WDFY4: variants seen among roughly 807,000 people sequenced by gnomAD.
The protein encoded by WDFY4 is WDFY family member 4, also known as WD repeat- and FYVE domain-containing protein 4.
Under a neutral mutation model 351.9 loss-of-function variants are expected in WDFY4, and 169 were observed. The ratio of observed to expected loss-of-function variants is 0.48; its 90% CI spans 0.42 to 0.55. WDFY4 has a LOEUF of 0.55. WDFY4 is among the 20% of genes least tolerant of loss of function. The probability of loss-of-function intolerance (pLI) is 0.00; values close to 1 mark genes in which losing one functional copy is unlikely to be tolerated. For missense variants in WDFY4, 3,803 were observed against 3,935.6 expected (o/e 0.97, Z 0.90); for synonymous variants, 1,622 against 1,574.6 (o/e 1.03, Z -0.71).
intron 47 of WDFY4, chr10:48,913,997 G>T: frequency 6.2e-7 from 1 of 1,614,176 alleles, no homozygotes; most frequent in Middle Eastern, 1.6e-4. Context: ...GGTCCAGCTC[G>T]TCCATGTCAC....
chr10:48,835,158 C>T (rs1478828093), intron 39 of WDFY4, among the ~76,000 whole-genome samples: 1 of 152,222 alleles, frequency 6.6e-6, no homozygotes, highest in Non-Finnish European at 1.5e-5. Flanking sequence ...GACATATTCT[C>T]TTCTCTCAAG....
At chr10:48,980,128 A>C (rs1437030956) in intron 60 of WDFY4, 1 of 152,186 alleles carries the variant, frequency 6.6e-6, no homozygotes, top group African/African-American at 2.4e-5. Context: ...ACTGACTGCC[A>C]AGATTGTGAT....
intron 39 of WDFY4, among the ~76,000 whole-genome samples, chr10:48,843,074 C>A (rs115084092): frequency 2.6e-5 from 4 of 152,210 alleles, no homozygotes; most frequent in African/African-American, 9.6e-5. Context: ...AGGTAACAAC[C>A]ACTGCCCGTT....
Position 48,810,648 on chromosome 10 carries a change from A to G in WDFY4, c.4957A>G (p.Ser1653Gly). 1 of 1,551,706 alleles carries G rather than the reference A, an allele frequency of 6.4e-7. No homozygotes were observed. Residue 1653 changes from serine to glycine, a missense_variant, in exon 29 of 62, where the codon AGC becomes GGC. Transcript: ENST00000325239. ...GAAGCTGCTGCTGTACTTTCTGGCA[A>G]GCCCCTCCCTCCGCACACGGTTTAG... ...ALKLLLYFLA[S>G]PSLRTRFRDG... is the part of the protein sequence containing the mutation.
intron 1 of WDFY4, among the ~76,000 whole-genome samples, chr10:48,687,611 C>CTTTT (rs57413418): frequency 5.3e-4 from 54 of 101,286 alleles, no homozygotes; most frequent in Non-Finnish European, 7.7e-4. Context: ...ATAGGCCATT[C>CTTTT]TTTTTTTTTT....
intron 47 of WDFY4, among the ~76,000 whole-genome samples, chr10:48,932,237 G>A (rs1481434113): frequency 6.6e-6 from 1 of 152,184 alleles, no homozygotes; most frequent in Non-Finnish European, 1.5e-5. Context: ...GGTGCTGGTG[G>A]GGAATGCTGG....
chr10:48,841,747 G>C (rs2068614671), intron 39 of WDFY4, among the ~76,000 whole-genome samples: 1 of 152,138 alleles, frequency 6.6e-6, no homozygotes, highest in Non-Finnish European at 1.5e-5. Context: ...ATTATAACTG[G>C]AATGGGCACA....
At chr10:48,927,645 C>T (rs769908266) in intron 47 of WDFY4, among the ~76,000 whole-genome samples, 9 of 152,196 alleles carry the variant, frequency 5.9e-5, no homozygotes, top group Non-Finnish European at 8.8e-5. Flanking sequence ...CTCTATCCTT[C>T]GCACCAGCGT....
At chr10:48,782,879 T>C (rs2066274398) in intron 19 of WDFY4, among the ~76,000 whole-genome samples, 1 of 152,188 alleles carries the variant, frequency 6.6e-6, no homozygotes, top group African/African-American at 2.4e-5. Flanking sequence ...AATGGGGCAG[T>C]GTGCATACAC....
chr10:48,833,400 G>A (rs951442197), intron 39 of WDFY4, among the ~76,000 whole-genome samples: 3 of 151,986 alleles, frequency 2.0e-5, no homozygotes, highest in Admixed American at 6.5e-5. Context: ...ATGTGAACTG[G>A]GCTTCCTTAC....
chr10:48,787,868 T>TTC lies in WDFY4; in HGVS notation c.3809-661_3809-660insCT, dbSNP rs1178608536. 4.6e-3 allele frequency among the ~76,000 whole-genome samples: 476 copies of TTC among 103,944 alleles called. 17 individuals carry two copies. The highest frequency in any genetic ancestry group is 0.024 in the East Asian group (65 of 2,680). The allele number at this position is 103,944 out of a possible 152,430, so 68.2% of individuals were successfully genotyped here. On this transcript the variant is annotated intron_variant, in intron 20 of 61. Transcript: ENST00000325239. Reference sequence around the variant, plus strand: ...TTCTTCTTCTTCTTCTTTCTTCTTCTTTCTTCTTTCTTTCTTCTTCTTCTC... The same window carrying TTC: ...TTCTTCTTCTTCTTCTTTCTTCTTCTTCTTCTTCTTTCTTTCTTCTTCTTCTC...
chr10:48,851,655 A>G (rs186325230), intron 39 of WDFY4, among the ~76,000 whole-genome samples: 4 of 152,376 alleles, frequency 2.6e-5, no homozygotes. Context: ...AACTGTGATT[A>G]CAGGACTAAT....
rs749235105 is a variant in WDFY4, at chr10:48,806,117, C to G, written c.4738+22C>G. 1.2e-3 allele frequency: 1,818 copies of G among 1,550,472 alleles called. 1 individual carries two copies. Among genetic ancestry groups the G allele is most frequent in the Non-Finnish European group, 1.4e-3 (1,644 of 1,145,950 alleles). On this transcript the variant is annotated intron_variant, in intron 27 of 61. Transcript: ENST00000325239. Reference sequence around the variant, plus strand: ...CCTGGTGAGAAGACCTTTGCCAGTTCGAAGGCAGTAGGACGGCCCTCACGG... The same window carrying G: ...CCTGGTGAGAAGACCTTTGCCAGTTGGAAGGCAGTAGGACGGCCCTCACGG...
intron 47 of WDFY4, among the ~76,000 whole-genome samples, chr10:48,923,260 G>A (rs1213321777): frequency 6.6e-6 from 1 of 151,820 alleles, no homozygotes; most frequent in Non-Finnish European, 1.5e-5. Context: ...TGCACTGGGG[G>A]GATGTTGTGT....
At chr10:48,827,725 A>G (rs116698076) in intron 36 of WDFY4, among the ~76,000 whole-genome samples, 62 of 151,744 alleles carry the variant, frequency 4.1e-4, no homozygotes, top group African/African-American at 1.3e-3. Context: ...AAAAAAAACA[A>G]TCCCCCACAT....
chr10:48,910,996 G>T (rs769649760), intron 47 of WDFY4: 1 of 718,094 alleles, frequency 1.4e-6, no homozygotes. Flanking sequence ...GGGAGAAATT[G>T]AAATGGAAAG....
In WDFY4 at chr10:48,729,556, C is replaced by T. The variant is rs2064384766; in HGVS notation, c.1096C>T (p.Leu366Phe). The T allele has an allele frequency of 1.3e-6, 2 of 1,551,714 alleles. No homozygotes were observed. The highest frequency in any genetic ancestry group is 1.7e-6 in the Non-Finnish European group (2 of 1,146,998). ...KVFDSITYPQ[L>F]EGFKFHHEAS... ...GTTTGACAGCATCACTTACCCTCAG[C>T]TTGAAGGCTTCAAGTTCCATCATGA... The change falls in exon 8 of 62, where the codon CTT (leucine) becomes TTT (phenylalanine). Residue 366 changes from leucine to phenylalanine, a missense_variant. Transcript: ENST00000325239.
At chr10:48,953,291 G>A (rs1328978680) in intron 51 of WDFY4, among the ~76,000 whole-genome samples, 1 of 146,506 alleles carries the variant, frequency 6.8e-6, no homozygotes. Context: ...CTGCTTCATC[G>A]CATGAGATAT....
chr10:48,800,707 TTTCTTTCTTTCTTTCATTCTTTC>T (rs1174534068), intron 24 of WDFY4, among the ~76,000 whole-genome samples: 28 of 139,488 alleles, frequency 2.0e-4, no homozygotes, highest in South Asian at 4.6e-4. Context: ...TCTTTCTTTC[TTTCTTTCTTTCTTTCATTCTTTC>T]TTTTTTTTTT....
Sources: gnomAD v4.1 joint callset for allele counts (sites outside exome capture counted in the v4.1 genomes callset) on GRCh38, gnomAD v4.1.1 for gene constraint, MANE v1.5 for transcripts, NCBI Gene and HGNC (gene_info 2026-07-23, HGNC 2026-07-21) for gene names.